The following CLIP2 variants were observed in gnomAD, a reference collection of about 807,000 sequenced individuals.
CLIP2 encodes CAP-Gly domain containing linker protein 2, also known as CAP-Gly domain-containing linker protein 2.
In CLIP2, 41 loss-of-function variants were observed where a neutral mutation model predicts 111.7. That is an observed-to-expected ratio of 0.37 (90% CI 0.29 to 0.48). The LOEUF is 0.48. Ranked by LOEUF, CLIP2 falls within the 20% of genes least tolerant of loss-of-function variation. CLIP2 has a pLI of 0.99. For synonymous variants in CLIP2, 660 were observed against 644.2 expected (o/e 1.02, Z -0.37); for missense variants, 1,160 against 1,422.1 (o/e 0.82, Z 2.96).
chr7:74,377,269 C>T (rs1354245596), intron 10 of CLIP2, among the ~76,000 whole-genome samples: 7 of 152,206 alleles, frequency 4.6e-5, no homozygotes, highest in African/African-American at 1.7e-4. Context: ...GGGGAATCAG[C>T]GGCAGCCCCC....
chr7:74,390,244 ATGTT>A (rs1315107734), intron 13 of CLIP2, among the ~76,000 whole-genome samples: 2 of 151,614 alleles, frequency 1.3e-5, no homozygotes, highest in African/African-American at 2.4e-5. Context: ...CCTCCCCAAA[ATGTT>A]TGGTCTCAGG....
In CLIP2 at chr7:74,376,840, C is replaced by A; in HGVS notation, c.2421+18C>A. The stretch of plus-strand genomic sequence containing the variant: ...ACACCCACGTAGGCGCCTGCCCCTC[C>A]TGCTGGGGCGGGAGGGTCGGGCTGG... On this transcript the variant is annotated intron_variant, in intron 10 of 16. Coordinates refer to ENST00000223398, the MANE Select transcript of CLIP2 (RefSeq NM_003388.5). This position sits in a 1 kb window ranked among gnomAD's most constrained non-coding sequence, Gnocchi z 7.1. The A allele has an allele frequency of 6.5e-7, 1 of 1,548,352 alleles. No individual in the cohort carries two copies. Among genetic ancestry groups the A allele is most frequent in the Non-Finnish European group, 8.7e-7 (1 of 1,148,114 alleles).
intron 1 of CLIP2, among the ~76,000 whole-genome samples, chr7:74,303,645 C>T (rs1432476290): frequency 2.0e-5 from 3 of 146,386 alleles, no homozygotes; most frequent in Non-Finnish European, 4.5e-5. Flanking sequence ...GGCGTGGTGG[C>T]TCACGCCTGT....
chr7:74,299,472 CAG>C (rs1417397141), intron 1 of CLIP2, among the ~76,000 whole-genome samples: 2 of 152,226 alleles, frequency 1.3e-5, no homozygotes, highest in Non-Finnish European at 2.9e-5. Flanking sequence ...GGCTGCCCCT[CAG>C]GGGCATAGCA....
intron 2 of CLIP2, among the ~76,000 whole-genome samples, chr7:74,326,697 C>T (rs577443521): frequency 2.6e-5 from 4 of 151,188 alleles, no homozygotes; most frequent in East Asian, 1.9e-4. Context: ...AGTACAGTGG[C>T]GCAATCTCGA....
rs199834223 is a variant in CLIP2, at chr7:74,376,739, G to A, written c.2338G>A (p.Val780Ile). 21 of 1,612,914 alleles carry A rather than the reference G, an allele frequency of 1.3e-5. No individual in the cohort carries two copies. The highest frequency in any genetic ancestry group is 1.2e-4 in the Admixed American group (7 of 59,830). The change falls in exon 10 of 17, where the codon GTC becomes ATC. Residue 780 changes from valine (V) to isoleucine (I), a missense_variant. This residue lies in a region of CLIP2 where 676 missense variants were observed against 777.8 expected (regional missense o/e 0.87). Coordinates refer to ENST00000223398, the MANE Select transcript of CLIP2 (RefSeq NM_003388.5). This position sits in a 1 kb window ranked among gnomAD's most constrained non-coding sequence, Gnocchi z 7.1. The part of the protein sequence containing the change: ...QRAEAQGKQE[V>I]ESLREKLLVA... ...GGCAGAAGCCCAGGGCAAACAGGAG[G>A]TCGAGAGTTTGCGGGAGAAGCTCCT...
At chr7:74,292,726 A>G (rs1050044425) in intron 1 of CLIP2, among the ~76,000 whole-genome samples, 40 of 152,134 alleles carry the variant, frequency 2.6e-4, no homozygotes, top group African/African-American at 9.4e-4. Context: ...TCATTTGTGG[A>G]TATTTTAATA....
chr7:74,354,108 A>G (rs145671635), intron 4 of CLIP2, 104 bp downstream of exon 4: 2 of 1,351,712 alleles, frequency 1.5e-6, no homozygotes, highest in Non-Finnish European at 2.0e-6. Flanking sequence ...TCCAGCATGT[A>G]GTGTCAGACA....
chr7:74,384,432 G>A (rs1791026471), intron 11 of CLIP2, among the ~76,000 whole-genome samples: 1 of 149,502 alleles, frequency 6.7e-6, no homozygotes, highest in South Asian at 2.1e-4. Flanking sequence ...TAGAATGCTA[G>A]GTCATATGAT....
intron 1 of CLIP2, among the ~76,000 whole-genome samples, chr7:74,300,325 C>T (rs1055575947): frequency 6.6e-6 from 1 of 151,894 alleles, no homozygotes; most frequent in Non-Finnish European, 1.5e-5. Context: ...CTATTATTCC[C>T]CTCTGTATTT....
At chr7:74,331,562 C>CTTTTTTTTTTTTTT (rs1213774851) in intron 2 of CLIP2, among the ~76,000 whole-genome samples, 1 of 120,662 alleles carries the variant, frequency 8.3e-6, no homozygotes, top group Non-Finnish European at 1.7e-5. Flanking sequence ...TTCTTTCTTT[C>CTTTTTTTTTTTTTT]TTTTTTTTTT....
At chr7:74,344,327 T>C (rs1171286358) in intron 3 of CLIP2, among the ~76,000 whole-genome samples, 1 of 152,092 alleles carries the variant, frequency 6.6e-6, no homozygotes, top group African/African-American at 2.4e-5. Flanking sequence ...GTAGATTGCA[T>C]CCTATGGTTG....
chr7:74,304,135 A>G (rs1277604136), intron 1 of CLIP2, among the ~76,000 whole-genome samples: 1 of 151,052 alleles, frequency 6.6e-6, no homozygotes, highest in Non-Finnish European at 1.5e-5. Flanking sequence ...GCTGGTCTCG[A>G]ACTCCTGGCC....
chr7:74,396,253 G>A (rs1791444868), intron 13 of CLIP2, among the ~76,000 whole-genome samples: 1 of 152,130 alleles, frequency 6.6e-6, no homozygotes, highest in Non-Finnish European at 1.5e-5. Flanking sequence ...AAACCCATTT[G>A]ACATCAGGTA....
At chr7:74,327,526 T>C (rs1360761674) in intron 2 of CLIP2, among the ~76,000 whole-genome samples, 1 of 152,182 alleles carries the variant, frequency 6.6e-6, no homozygotes, top group Non-Finnish European at 1.5e-5. Flanking sequence ...TGCCTTTCTC[T>C]TTCCTTTCCA....
chr7:74,303,259 T>C (rs1554727108), intron 1 of CLIP2, among the ~76,000 whole-genome samples: 1 of 152,208 alleles, frequency 6.6e-6, no homozygotes, highest in East Asian at 1.9e-4. Flanking sequence ...TCCCTGAGCC[T>C]TGGGCAAATG....
Position 74,403,819 on chromosome 7 carries a change from G to A in CLIP2, c.3130-18G>A, listed in dbSNP as rs781861122. 6 of 1,612,998 alleles carry A rather than the reference G, an allele frequency of 3.7e-6. No homozygotes were observed. The highest frequency in any genetic ancestry group is 5.1e-6 in the Non-Finnish European group (6 of 1,179,692). ...GCTCTCTGAGACCCTTGCTGATGAT[G>A]CCCTTTACTCTCTCTAGGACAAGCA... On this transcript the variant is annotated intron_variant, in intron 16 of 16. Coordinates refer to ENST00000223398, the MANE Select transcript of CLIP2 (RefSeq NM_003388.5).
rs74302304 is a variant in CLIP2 at position 74,367,772 on chromosome 7, T to C, written c.1380+3457T>C. 3.9e-3 allele frequency among the ~76,000 whole-genome samples: 591 copies of C among 152,250 alleles called. 25 individuals carry two copies. In the East Asian group the frequency reaches 0.079, roughly 20 times the overall value. ...CCCCTTACGGTTCCCATCTCAGATA[T>C]TGGCCCCCAAATCCACACAGTTGGC... On this transcript the variant is annotated intron_variant, in intron 8 of 16. Transcript: ENST00000223398.
chr7:74,352,214 C>A (rs1554307697), intron 3 of CLIP2, among the ~76,000 whole-genome samples: 1 of 151,974 alleles, frequency 6.6e-6, no homozygotes, highest in African/African-American at 2.4e-5. Flanking sequence ...GCAGGTGAAT[C>A]ACTTGAGGTC....
Sources: gnomAD v4.1 joint callset for allele counts (sites outside exome capture counted in the v4.1 genomes callset) on GRCh38, gnomAD v4.1.1 for gene constraint, gnomAD v4.1.1 regional missense constraint, Gnocchi (gnomAD v3.1) non-coding constraint, MANE v1.5 for transcripts, NCBI Gene and HGNC (gene_info 2026-07-23, HGNC 2026-07-21) for gene names.